PIBF1: variants seen among roughly 807,000 people sequenced by gnomAD.
PIBF1 encodes the protein progesterone-induced-blocking factor 1.
Under a neutral mutation model 112.5 loss-of-function variants are expected in PIBF1, and 90 were observed. The observed-to-expected ratio is 0.80, with a 90% confidence interval of 0.67 to 0.95. The LOEUF (loss-of-function observed/expected upper bound fraction) is 0.95. Among genes scored for constraint, PIBF1 ranks in the 40% least tolerant of loss-of-function variants. The pLI, the probability that PIBF1 is intolerant of heterozygous loss-of-function variation, is 0.00. For synonymous variants in PIBF1, 301 were observed against 288.6 expected (o/e 1.04, Z -0.44); for missense variants, 915 against 852.3 (o/e 1.07, Z -0.92).
intron 16 of PIBF1, among the ~76,000 whole-genome samples, chr13:72,987,490 C>T (rs1009433094): frequency 6.6e-6 from 1 of 151,868 alleles, no homozygotes; most frequent in African/African-American, 2.4e-5. Context: ...TCTTCCAAAC[C>T]TGAAATTGTG....
Position 72,965,402 on chromosome 13 carries a change from C to T in PIBF1, c.1962C>T (p.Val654=). The T allele has an allele frequency of 6.2e-7, 1 of 1,600,394 alleles. No individual in the cohort carries two copies. Among genetic ancestry groups the T allele is most frequent in the African/African-American group, 1.3e-5 (1 of 74,468 alleles). The change falls in exon 15 of 18, where the codon GTC becomes GTT. Residue 654 remains valine (V), a splice_region_variant and synonymous_variant. Coordinates refer to ENST00000326291, the MANE Select transcript of PIBF1 (RefSeq NM_006346.4). ...TESIAQLEKD[V]SNLNKEKSAL... is the part of the protein sequence containing the mutation. Reference sequence around the variant, plus strand: ...CTATTGCACAACTTGAGAAAGATGTCAGGTAAACCATCTACAAATCTTTTA... The same window carrying T: ...CTATTGCACAACTTGAGAAAGATGTTAGGTAAACCATCTACAAATCTTTTA...
In PIBF1 at chr13:72,833,985, A is replaced by G. The variant is rs191139079; in HGVS notation, c.1098-1258A>G. Among the ~76,000 whole-genome samples, 31 of 152,236 alleles carry G rather than the reference A, an allele frequency of 2.0e-4. No homozygotes were observed. The East Asian group carries it at 5.2e-3, about 26-fold the overall frequency. On this transcript the variant is annotated intron_variant, in intron 8 of 17. Coordinates refer to ENST00000326291, the MANE Select transcript of PIBF1 (RefSeq NM_006346.4). ...TTTTTTTCAGCAATATCAAAAGCCTATTTCTTTTAGATAGATAGATATATG... is the reference window on the plus strand; with the variant it reads ...TTTTTTTCAGCAATATCAAAAGCCTGTTTCTTTTAGATAGATAGATATATG...
intron 15 of PIBF1, 81 bp downstream of exon 15, chr13:72,965,485 A>G: frequency 8.9e-7 from 1 of 1,126,626 alleles, no homozygotes; most frequent in Non-Finnish European, 1.3e-6. Flanking sequence ...TGGGTTGTAA[A>G]TCATGAACAG....
intron 16 of PIBF1, among the ~76,000 whole-genome samples, chr13:72,988,138 G>A (rs896092394): frequency 1.3e-5 from 2 of 151,534 alleles, no homozygotes; most frequent in Non-Finnish European, 2.9e-5. Flanking sequence ...TGAGATTACA[G>A]GCATGAGCCA....
chr13:72,944,395 T>C (rs570013539), intron 14 of PIBF1, among the ~76,000 whole-genome samples: 2 of 149,112 alleles, frequency 1.3e-5, no homozygotes, highest in Admixed American at 1.4e-4. Context: ...TGTAGTGAGC[T>C]GAGATTGCAC....
chr13:72,808,690 A>G (rs1027542476), intron 5 of PIBF1, among the ~76,000 whole-genome samples: 2 of 152,152 alleles, frequency 1.3e-5, no homozygotes, highest in African/African-American at 2.4e-5. Flanking sequence ...TACCCAGAGA[A>G]TTCAGTTTCC....
At chr13:72,871,844 A>G (rs1299249596) in intron 10 of PIBF1, among the ~76,000 whole-genome samples, 2 of 152,150 alleles carry the variant, frequency 1.3e-5, no homozygotes, top group African/African-American at 4.8e-5. Flanking sequence ...CCTGTTAGCT[A>G]CTAGCCCCTT....
chr13:72,913,782 A>G (rs992065170), intron 12 of PIBF1, among the ~76,000 whole-genome samples: 8 of 152,008 alleles, frequency 5.3e-5, no homozygotes, highest in Non-Finnish European at 1.0e-4. Flanking sequence ...AAAATTGCAG[A>G]TGTTGAGTAT....
chr13:72,912,027 G>A (rs1004764370), intron 12 of PIBF1, among the ~76,000 whole-genome samples: 9 of 150,912 alleles, frequency 6.0e-5, no homozygotes, highest in African/African-American at 2.2e-4. Context: ...GAAAGAGAAA[G>A]GAAAAGGAAG....
chr13:72,804,274 G>A (rs1461757218), intron 5 of PIBF1, among the ~76,000 whole-genome samples: 1 of 152,080 alleles, frequency 6.6e-6, no homozygotes, highest in Non-Finnish European at 1.5e-5. Context: ...AGAGTAATAA[G>A]AGAAAAGCAT....
chr13:72,828,340 A>G (rs1032744376), intron 8 of PIBF1, among the ~76,000 whole-genome samples: 4 of 150,924 alleles, frequency 2.7e-5, no homozygotes, highest in East Asian at 1.9e-4. Flanking sequence ...GTTTTGTTAC[A>G]TAGGTATACA....
chr13:72,967,910 G>A (rs1363206991), intron 15 of PIBF1, among the ~76,000 whole-genome samples: 1 of 152,124 alleles, frequency 6.6e-6, no homozygotes, highest in Non-Finnish European at 1.5e-5. Context: ...ATCTGGCTGG[G>A]CACGGTAGCT....
chr13:72,959,444 T>C (rs920466711), intron 14 of PIBF1, among the ~76,000 whole-genome samples: 3 of 152,250 alleles, frequency 2.0e-5, no homozygotes, highest in Non-Finnish European at 4.4e-5. Flanking sequence ...TGACTGATTC[T>C]GTACAAACTA....
chr13:73,011,296 A>G lies in PIBF1; in HGVS notation c.2224-4573A>G, dbSNP rs147601146. Among the ~76,000 whole-genome samples, 146 of 152,334 alleles carry G rather than the reference A, an allele frequency of 9.6e-4. 1 individual carries two copies. Among genetic ancestry groups the G allele is most frequent in the African/African-American group, 3.2e-3 (135 of 41,576 alleles). On this transcript the variant is annotated intron_variant, in intron 17 of 17. Coordinates refer to ENST00000326291, the MANE Select transcript of PIBF1 (RefSeq NM_006346.4). The stretch of plus-strand genomic sequence containing the variant: ...TGAATGTAACTGCTAGAAGTTAGGT[A>G]TGGACAAGTCTGAAAGTTAAAAACT...
intron 10 of PIBF1, among the ~76,000 whole-genome samples, chr13:72,857,265 A>T (rs2038465175): frequency 6.6e-6 from 1 of 152,224 alleles, no homozygotes; most frequent in Non-Finnish European, 1.5e-5. Flanking sequence ...TCAGAGATTT[A>T]AATGTAAAAC....
At chr13:72,912,289 A>G (rs996128474) in intron 12 of PIBF1, among the ~76,000 whole-genome samples, 8 of 152,180 alleles carry the variant, frequency 5.3e-5, no homozygotes, top group Admixed American at 2.0e-4. Context: ...TAGGAAATTA[A>G]TGTACCAGAA....
intron 5 of PIBF1, among the ~76,000 whole-genome samples, chr13:72,815,008 A>G (rs1417219044): frequency 6.6e-6 from 1 of 152,218 alleles, no homozygotes; most frequent in Non-Finnish European, 1.5e-5. Flanking sequence ...TAAAATTACC[A>G]ACAGGTTCAC....
At chr13:72,818,876 A>G (rs148002266) in intron 5 of PIBF1, among the ~76,000 whole-genome samples, 102 of 152,086 alleles carry the variant, frequency 6.7e-4, no homozygotes, top group African/African-American at 2.4e-3. Flanking sequence ...TCGTAATTCT[A>G]TTATTTCTAG....
chr13:72,916,797 A>C (rs931213064), intron 12 of PIBF1, among the ~76,000 whole-genome samples: 2 of 152,150 alleles, frequency 1.3e-5, no homozygotes, highest in African/African-American at 4.8e-5. Context: ...TGAGTCCTTC[A>C]GAATAATACA....
Sources: gnomAD v4.1 joint callset for allele counts (sites outside exome capture counted in the v4.1 genomes callset) on GRCh38, gnomAD v4.1.1 for gene constraint, MANE v1.5 for transcripts, NCBI Gene and HGNC (gene_info 2026-07-23, HGNC 2026-07-21) for gene names.